UCK2: variants seen among roughly 807,000 people sequenced by gnomAD.
UCK2 encodes the protein cytidine monophosphokinase 2.
A neutral mutation model predicts 30.8 loss-of-function variants in UCK2; 6 were observed. That is an observed-to-expected ratio of 0.19 (90% CI 0.11 to 0.38). UCK2 has a LOEUF of 0.38. Among genes scored for constraint, UCK2 ranks in the 10% least tolerant of loss-of-function variants. UCK2 has a pLI of 1.00. For missense variants in UCK2, 210 were observed against 339.8 expected (o/e 0.62, Z 3.00); for synonymous variants, 125 against 133.6 (o/e 0.94, Z 0.45).
rs1053544590 is a variant in UCK2 at position 165,827,736 on chromosome 1, C to T, written c.-98C>T. ...CAGCGGCCTCAGCCCCGGCAGCGCC[C>T]AGCGGCGGCTGCGGAAAGCGGAGGG... is the stretch of plus-strand genomic sequence containing the variant. On this transcript the variant is annotated 5_prime_UTR_variant, in exon 1 of 7. Coordinates refer to ENST00000367879, the MANE Select transcript of UCK2 (RefSeq NM_012474.5). The T allele has an allele frequency of 8.8e-7, 1 of 1,130,116 alleles. No individual in the cohort carries two copies. Among genetic ancestry groups the T allele is most frequent in the Non-Finnish European group, 1.1e-6 (1 of 879,732 alleles). The allele number at this position is 1,130,116 out of a possible 1,614,324, so 70.0% of individuals were successfully genotyped here.
At chr1:165,831,788 T>C (rs1244562382) in intron 1 of UCK2, among the ~76,000 whole-genome samples, 1 of 152,146 alleles carries the variant, frequency 6.6e-6, no homozygotes, top group Non-Finnish European at 1.5e-5. Flanking sequence ...TTTATTGAGA[T>C]GGAATCTCAC....
chr1:165,906,952 A>G (rs1647685867), intron 6 of UCK2, among the ~76,000 whole-genome samples: 1 of 152,244 alleles, frequency 6.6e-6, no homozygotes, highest in Non-Finnish European at 1.5e-5. Context: ...GACCTCTTTT[A>G]ACCTGGAGAT....
chr1:165,899,234 C>G (rs1647376277), intron 4 of UCK2, among the ~76,000 whole-genome samples: 2 of 152,116 alleles, frequency 1.3e-5, no homozygotes, highest in South Asian at 4.1e-4. Flanking sequence ...TGATGGAAAC[C>G]CTTGATCTTC....
intron 1 of UCK2, chr1:165,885,060 T>G (rs1557845130): frequency 3.8e-6 from 1 of 265,304 alleles, no homozygotes; most frequent in Non-Finnish European, 7.0e-6. Context: ...AATGTTGACT[T>G]TAGTGATGCA....
At chr1:165,831,428 G>A (rs1654044003) in intron 1 of UCK2, among the ~76,000 whole-genome samples, 1 of 152,130 alleles carries the variant, frequency 6.6e-6, no homozygotes, top group African/African-American at 2.4e-5. Context: ...CTAAAGGACA[G>A]GTGTAATAAC....
At chr1:165,855,459 A>G (rs1654720595) in intron 1 of UCK2, among the ~76,000 whole-genome samples, 1 of 151,864 alleles carries the variant, frequency 6.6e-6, no homozygotes, top group African/African-American at 2.4e-5. Flanking sequence ...CGTGGTAGGA[A>G]GTAAAACTGT....
chr1:165,868,520 C>T (rs939339256), intron 1 of UCK2, among the ~76,000 whole-genome samples: 1 of 152,240 alleles, frequency 6.6e-6, no homozygotes, highest in African/African-American at 2.4e-5. Context: ...ACAGCTTCTA[C>T]ATCAGCACTT....
At chr1:165,859,347 G>A (rs538183521) in intron 1 of UCK2, among the ~76,000 whole-genome samples, 28 of 152,254 alleles carry the variant, frequency 1.8e-4, no homozygotes, top group Non-Finnish European at 3.7e-4. Context: ...TCTCCTTCCT[G>A]TGTTGGAGAC....
At chr1:165,891,450 C>A in intron 3 of UCK2, 128 bp downstream of exon 3, 1 of 804,418 alleles carries the variant, frequency 1.2e-6, no homozygotes. Context: ...AATGCCATTC[C>A]AGCTGGTCAG....
At chr1:165,885,877 A>T (rs1464982168) in intron 1 of UCK2, among the ~76,000 whole-genome samples, 1 of 152,234 alleles carries the variant, frequency 6.6e-6, no homozygotes, top group Non-Finnish European at 1.5e-5. Flanking sequence ...GGCTTTTATT[A>T]TAGTGATAAT....
intron 1 of UCK2, among the ~76,000 whole-genome samples, chr1:165,841,132 TAA>T (rs1491136272): frequency 2.8e-4 from 38 of 137,946 alleles, no homozygotes; most frequent in African/African-American, 9.3e-4. Flanking sequence ...TATATATATA[TAA>T]AATGAATATA....
At chr1:165,899,318 G>A (rs1647380027) in intron 4 of UCK2, among the ~76,000 whole-genome samples, 3 of 152,232 alleles carry the variant, frequency 2.0e-5, no homozygotes, top group South Asian at 2.1e-4. Context: ...CTCTGAATAC[G>A]GGGACAGGGA....
intron 1 of UCK2, among the ~76,000 whole-genome samples, chr1:165,836,206 C>T (rs1396550184): frequency 4.0e-5 from 6 of 150,742 alleles, no homozygotes; most frequent in African/African-American, 5.0e-5. Context: ...CCAGCCTGGG[C>T]GACAAGAGCA....
chr1:165,896,083 G>A, intron 3 of UCK2, 107 bp from the exon 4 acceptor site: 4 of 1,435,922 alleles, frequency 2.8e-6, no homozygotes, highest in Non-Finnish European at 3.8e-6. Context: ...GAAGTCTGTG[G>A]GGGCAAGGAA....
chr1:165,895,312 G>C (rs899477078), intron 3 of UCK2, among the ~76,000 whole-genome samples: 3 of 152,154 alleles, frequency 2.0e-5, no homozygotes, highest in Non-Finnish European at 4.4e-5. Context: ...CACTTAGGGG[G>C]CTGAGGCGGG....
intron 1 of UCK2, among the ~76,000 whole-genome samples, chr1:165,889,231 G>C (rs547796352): frequency 2.6e-5 from 4 of 152,198 alleles, no homozygotes; most frequent in Non-Finnish European, 4.4e-5. Context: ...TCATGGCTGT[G>C]GACTGGAGCA....
At chr1:165,854,644 A>G (rs957905971) in intron 1 of UCK2, among the ~76,000 whole-genome samples, 11 of 147,300 alleles carry the variant, frequency 7.5e-5, no homozygotes, top group African/African-American at 2.5e-4. Flanking sequence ...TAAATAAATA[A>G]AGTGAGTGTG....
intron 1 of UCK2, among the ~76,000 whole-genome samples, chr1:165,861,877 T>C (rs1324246000): frequency 6.6e-6 from 1 of 152,160 alleles, no homozygotes; most frequent in Non-Finnish European, 1.5e-5. Flanking sequence ...TCTAGCAAAA[T>C]ACACGCAGAT....
chr1:165,895,377 T>C, intron 3 of UCK2: 1 of 672,208 alleles, frequency 1.5e-6, no homozygotes, highest in Non-Finnish European at 1.8e-6. Context: ...ATTGCGCCGC[T>C]GCACTCCAGC....
Sources: gnomAD v4.1 joint callset for allele counts (sites outside exome capture counted in the v4.1 genomes callset) on GRCh38, gnomAD v4.1.1 for gene constraint, MANE v1.5 for transcripts, NCBI Gene and HGNC (gene_info 2026-07-23, HGNC 2026-07-21) for gene names.